CSTPP1: variants seen among roughly 807,000 people sequenced by gnomAD.
The protein encoded by CSTPP1 is UPF0705 protein C11orf49.
chr11:46,971,825 G>C, the CSTPP1 span, among the ~76,000 whole-genome samples: 4 of 152,210 alleles, frequency 2.6e-5, no homozygotes, highest in South Asian at 2.1e-4. Flanking sequence ...TGTGGCACTT[G>C]TGGTCCTAGC....
the CSTPP1 span, among the ~76,000 whole-genome samples, chr11:47,033,310 G>T: frequency 6.6e-6 from 1 of 152,114 alleles, no homozygotes; most frequent in East Asian, 1.9e-4. Context: ...TTCAGTGCCT[G>T]TATCACTGAA....
At chr11:47,137,186 A>G in the CSTPP1 span, 24 of 974,742 alleles carry the variant, frequency 2.5e-5, no homozygotes, top group Non-Finnish European at 3.2e-5. Context: ...CTCCCTACAC[A>G]GCAAGACTGT....
At chr11:47,036,729 G>A in the CSTPP1 span, among the ~76,000 whole-genome samples, 5 of 127,646 alleles carry the variant, frequency 3.9e-5, 2 homozygotes, top group Admixed American at 8.4e-5. Flanking sequence ...CCAGGCTGGA[G>A]TGCAGTGGCA....
chr11:46,982,567 T>C, the CSTPP1 span, among the ~76,000 whole-genome samples: 12 of 152,140 alleles, frequency 7.9e-5, no homozygotes, highest in Admixed American at 2.6e-4. Context: ...ACTAATGCTT[T>C]TATGGTATTT....
At chr11:47,137,021 A>G in the CSTPP1 span, among the ~76,000 whole-genome samples, 1 of 152,226 alleles carries the variant, frequency 6.6e-6, no homozygotes, top group East Asian at 1.9e-4. Context: ...TATATCAGGA[A>G]TCATTTGGTT....
the CSTPP1 span, among the ~76,000 whole-genome samples, chr11:47,133,149 C>T: frequency 8.0e-4 from 122 of 152,290 alleles, no homozygotes; most frequent in African/African-American, 2.6e-3. Context: ...AAAGTCCATG[C>T]TATTAACCAC....
At chr11:47,114,736 G>A in the CSTPP1 span, among the ~76,000 whole-genome samples, 1 of 152,142 alleles carries the variant, frequency 6.6e-6, no homozygotes, top group African/African-American at 2.4e-5. Context: ...TTTGGGCTGC[G>A]ACAATGGGTT....
At chr11:47,049,926 A>G in the CSTPP1 span, among the ~76,000 whole-genome samples, 1 of 152,184 alleles carries the variant, frequency 6.6e-6, no homozygotes, top group African/African-American at 2.4e-5. Context: ...GGAAAGGGAA[A>G]GAAGAATGGA....
At chr11:47,150,846 G>C in the CSTPP1 span, among the ~76,000 whole-genome samples, 1 of 151,790 alleles carries the variant, frequency 6.6e-6, no homozygotes, top group South Asian at 2.1e-4. Flanking sequence ...ATCCAAATGG[G>C]GGAACGTGTC....
At chr11:47,038,045 G>A in the CSTPP1 span, among the ~76,000 whole-genome samples, 1 of 115,112 alleles carries the variant, frequency 8.7e-6, no homozygotes, top group Admixed American at 9.0e-5. Flanking sequence ...TCCCAGTAGG[G>A]GCGGCCGGGC....
At chr11:47,134,316 C>A in the CSTPP1 span, among the ~76,000 whole-genome samples, 2 of 152,042 alleles carry the variant, frequency 1.3e-5, no homozygotes, top group African/African-American at 4.8e-5. Flanking sequence ...TCCTGCCCCC[C>A]AAGTAGCTGG....
chr11:47,063,570 T>G, the CSTPP1 span, among the ~76,000 whole-genome samples: 1 of 152,266 alleles, frequency 6.6e-6, no homozygotes, highest in African/African-American at 2.4e-5. Flanking sequence ...GATAAGTGTG[T>G]ACAATATCTG....
chr11:46,980,727 T>C, the CSTPP1 span, among the ~76,000 whole-genome samples: 1 of 152,224 alleles, frequency 6.6e-6, no homozygotes, highest in East Asian at 1.9e-4. Context: ...ATGTATGTAT[T>C]TGTGACATGT....
At chr11:46,980,291 A>C in the CSTPP1 span, among the ~76,000 whole-genome samples, 1 of 152,308 alleles carries the variant, frequency 6.6e-6, no homozygotes, top group South Asian at 2.1e-4. Context: ...TGGTTGTCAC[A>C]GGTGATGTTA....
At chr11:46,979,243 C>T in the CSTPP1 span, among the ~76,000 whole-genome samples, 2 of 152,094 alleles carry the variant, frequency 1.3e-5, no homozygotes, top group Non-Finnish European at 2.9e-5. Context: ...TCACCATGCC[C>T]GGCTGCAAGA....
chr11:47,004,274 C>G, the CSTPP1 span: 1 of 151,536 alleles, frequency 6.6e-6, no homozygotes, highest in Non-Finnish European at 1.5e-5. Flanking sequence ...AACCTGGGCT[C>G]AAGCAATCCT....
chr11:46,962,181 T>G, the CSTPP1 span, among the ~76,000 whole-genome samples: 1 of 152,204 alleles, frequency 6.6e-6, no homozygotes, highest in Admixed American at 6.5e-5. Flanking sequence ...CAGTTCAAGA[T>G]GAGATTTGGG....
At chr11:47,066,241 G>C in the CSTPP1 span, among the ~76,000 whole-genome samples, 3 of 151,602 alleles carry the variant, frequency 2.0e-5, no homozygotes, top group African/African-American at 7.3e-5. Context: ...CAGTACAGCA[G>C]GTCCTCAAAT....
chr11:47,041,698 A>G, the CSTPP1 span: 1 of 498,284 alleles, frequency 2.0e-6, no homozygotes, highest in Non-Finnish European at 4.1e-6. Context: ...GTCAATTTCC[A>G]CAGTGAAGAG....
Sources: allele counts gnomAD v4.1 joint callset (sites outside exome capture counted in the v4.1 genomes callset), GRCh38; gene constraint gnomAD v4.1.1; transcripts MANE v1.5; gene names NCBI Gene and HGNC (gene_info 2026-07-23, HGNC 2026-07-21).